HIBADH: variants seen among roughly 807,000 people sequenced by gnomAD.
HIBADH encodes 3-hydroxyisobutyrate dehydrogenase, mitochondrial.
In HIBADH, 25 loss-of-function variants were observed where a neutral mutation model predicts 36.1. That is an observed-to-expected ratio of 0.69 (90% CI 0.50 to 0.97). The LOEUF (loss-of-function observed/expected upper bound fraction) is 0.97. Ranked by LOEUF, HIBADH falls within the 50% of genes least tolerant of loss-of-function variation. HIBADH has a pLI of 0.00. For synonymous variants in HIBADH, 160 were observed against 149.5 expected (o/e 1.07, Z -0.51); for missense variants, 421 against 418.0 (o/e 1.01, Z -0.06).
chr7:27,558,321 A>T (rs1354132593), intron 4 of HIBADH, among the ~76,000 whole-genome samples: 2 of 151,898 alleles, frequency 1.3e-5, no homozygotes, highest in Admixed American at 6.6e-5. Context: ...GTTTTAGAGG[A>T]TCTGCTTATT....
chr7:27,599,542 C>T (rs1242730949), intron 4 of HIBADH, among the ~76,000 whole-genome samples: 3 of 151,656 alleles, frequency 2.0e-5, no homozygotes, highest in South Asian at 2.1e-4. Context: ...ATTAGCTGGG[C>T]GTGGTGGCAG....
chr7:27,529,461 T>C (rs1189394181), intron 7 of HIBADH, among the ~76,000 whole-genome samples: 1 of 152,174 alleles, frequency 6.6e-6, no homozygotes. Context: ...CTGATTCCAA[T>C]GCTCATGGAT....
intron 5 of HIBADH, 35 bp downstream of exon 5, chr7:27,542,932 T>C: frequency 6.3e-7 from 1 of 1,596,098 alleles, no homozygotes; most frequent in Non-Finnish European, 8.5e-7. Flanking sequence ...CAATTTTACA[T>C]CATCAAGTCA....
intron 4 of HIBADH, among the ~76,000 whole-genome samples, chr7:27,581,851 A>G (rs999816351): frequency 2.6e-5 from 4 of 152,122 alleles, no homozygotes; most frequent in Non-Finnish European, 5.9e-5. Context: ...TCTACAAAAA[A>G]AAAACCCAAT....
intron 4 of HIBADH, among the ~76,000 whole-genome samples, chr7:27,546,982 A>G (rs1478863615): frequency 6.6e-6 from 1 of 152,078 alleles, no homozygotes; most frequent in Non-Finnish European, 1.5e-5. Context: ...ATCCTCTTAA[A>G]ATATAAATCT....
At chr7:27,568,666 T>C (rs1003819056) in intron 4 of HIBADH, among the ~76,000 whole-genome samples, 3 of 152,150 alleles carry the variant, frequency 2.0e-5, no homozygotes, top group Non-Finnish European at 2.9e-5. Context: ...TGACAGGGTT[T>C]CACCACGTTG....
intron 4 of HIBADH, among the ~76,000 whole-genome samples, chr7:27,580,186 G>T (rs1181015512): frequency 6.6e-6 from 1 of 152,078 alleles, no homozygotes; most frequent in Non-Finnish European, 1.5e-5. Context: ...ACTATACTAG[G>T]CATTTCTCAA....
chr7:27,560,034 C>T (rs183580993), intron 4 of HIBADH, among the ~76,000 whole-genome samples: 24 of 152,304 alleles, frequency 1.6e-4, no homozygotes, highest in African/African-American at 5.5e-4. Flanking sequence ...CAGTTTTGTT[C>T]CACTATAAGA....
At chr7:27,598,306 C>A (rs1041380263) in intron 4 of HIBADH, among the ~76,000 whole-genome samples, 4 of 152,070 alleles carry the variant, frequency 2.6e-5, no homozygotes, top group African/African-American at 9.7e-5. Flanking sequence ...CTTTTATTTT[C>A]TTTTATAAAA....
At chr7:27,645,263 T>C (rs1185253137) in intron 2 of HIBADH, among the ~76,000 whole-genome samples, 1 of 151,846 alleles carries the variant, frequency 6.6e-6, no homozygotes, top group Non-Finnish European at 1.5e-5. Flanking sequence ...CCATTTTACA[T>C]TTCCACTAGC....
chr7:27,605,799 G>C (rs902959742), intron 4 of HIBADH, among the ~76,000 whole-genome samples: 17 of 151,890 alleles, frequency 1.1e-4, no homozygotes, highest in African/African-American at 3.1e-4. Context: ...AACTTCAAAA[G>C]TAAAATCGTT....
intron 4 of HIBADH, among the ~76,000 whole-genome samples, chr7:27,590,525 G>T (rs1784923900): frequency 1.3e-5 from 2 of 152,072 alleles, no homozygotes; most frequent in Non-Finnish European, 2.9e-5. Flanking sequence ...AAACATCAAG[G>T]TTTCTCATGG....
chr7:27,599,469 T>C (rs1009959497), intron 4 of HIBADH, among the ~76,000 whole-genome samples: 1 of 151,884 alleles, frequency 6.6e-6, no homozygotes, highest in African/African-American at 2.4e-5. Flanking sequence ...GATCACGAGG[T>C]CAGGAGATCG....
At chr7:27,643,882 CTG>C (rs1786006163) in intron 2 of HIBADH, among the ~76,000 whole-genome samples, 2 of 152,128 alleles carry the variant, frequency 1.3e-5, no homozygotes, top group Admixed American at 6.5e-5. Flanking sequence ...GCCTTCCCCT[CTG>C]TGTCTCTGTG....
intron 4 of HIBADH, among the ~76,000 whole-genome samples, chr7:27,595,048 T>C (rs1785007880): frequency 6.6e-6 from 1 of 152,204 alleles, no homozygotes; most frequent in African/African-American, 2.4e-5. Context: ...GTAAACCTTT[T>C]CTGGATAGGA....
At chr7:27,553,116 T>C (rs144032401) in intron 4 of HIBADH, among the ~76,000 whole-genome samples, 1,922 of 152,296 alleles carry the variant, frequency 0.013, 14 homozygotes, top group Admixed American at 0.02. Flanking sequence ...CTATAGCTGA[T>C]TAGCTAAAGC....
intron 2 of HIBADH, among the ~76,000 whole-genome samples, chr7:27,638,813 T>TA (rs1466409613): frequency 6.6e-6 from 1 of 152,084 alleles, no homozygotes; most frequent in East Asian, 1.9e-4. Context: ...AAAAAAGACA[T>TA]ACACACAGTC....
chr7:27,613,023 T>C (rs889745078), intron 4 of HIBADH, among the ~76,000 whole-genome samples: 2 of 133,470 alleles, frequency 1.5e-5, no homozygotes, highest in African/African-American at 5.5e-5. Flanking sequence ...AAAATATATA[T>C]ATTATATTTA....
intron 4 of HIBADH, among the ~76,000 whole-genome samples, chr7:27,580,715 A>G (rs1330978600): frequency 6.6e-6 from 1 of 152,208 alleles, no homozygotes; most frequent in Non-Finnish European, 1.5e-5. Flanking sequence ...ACAGGCATTG[A>G]GAATACAGCA....
Sources: gnomAD v4.1 joint callset for allele counts (sites outside exome capture counted in the v4.1 genomes callset) on GRCh38, gnomAD v4.1.1 for gene constraint, MANE v1.5 for transcripts, NCBI Gene and HGNC (gene_info 2026-07-23, HGNC 2026-07-21) for gene names.